The following LUZP1 variants were observed in gnomAD, a reference collection of about 807,000 sequenced individuals.
LUZP1 encodes leucine zipper protein 1.
A neutral mutation model predicts 71.3 loss-of-function variants in LUZP1; 25 were observed. That is an observed-to-expected ratio of 0.35 (90% CI 0.26 to 0.49). LUZP1 has a LOEUF of 0.49. Ranked by LOEUF, LUZP1 falls within the 20% of genes least tolerant of loss-of-function variation. The probability of loss-of-function intolerance (pLI) is 0.99; values close to 1 mark genes in which losing one functional copy is unlikely to be tolerated. For missense variants in LUZP1, 1,142 were observed against 1,300.8 expected (o/e 0.88, Z 1.88); for synonymous variants, 481 against 506.4 (o/e 0.95, Z 0.67).
At chr1:23,086,917 G>A (rs1643774467) in exon 5 of LUZP1, 1 of 152,472 alleles carries the variant, frequency 6.6e-6, no homozygotes, top group Middle Eastern at 3.4e-3. Flanking sequence ...TGAAAGTAAG[G>A]TAGGTGCTCC....
At chr1:23,102,328 TTGGAGGGTGGCTCTTCTTCCTGTCC>T (rs1643938477) in intron 3 of LUZP1, among the ~76,000 whole-genome samples, 1 of 152,160 alleles carries the variant, frequency 6.6e-6, no homozygotes, top group South Asian at 2.1e-4. Flanking sequence ...ATCCAGCATT[TTGGAGGGTGGCTCTTCTTCCTGTCC>T]TGGCAGATCA....
intron 3 of LUZP1, among the ~76,000 whole-genome samples, chr1:23,097,118 T>C (rs1156451774): frequency 6.6e-6 from 1 of 152,086 alleles, no homozygotes; most frequent in Admixed American, 6.5e-5. Context: ...GAAGAAGGAA[T>C]GGAACAAAAA....
chr1:23,161,515 C>T (rs965908061), intron 2 of LUZP1, among the ~76,000 whole-genome samples: 2 of 152,130 alleles, frequency 1.3e-5, no homozygotes, highest in Non-Finnish European at 2.9e-5. Flanking sequence ...ATCTCAGCTA[C>T]TCTGGAGGCC....
At chr1:23,142,735 A>G (rs1644314981) in intron 2 of LUZP1, among the ~76,000 whole-genome samples, 1 of 116,578 alleles carries the variant, frequency 8.6e-6, no homozygotes. Context: ...ACACACACAC[A>G]CACACACACA....
At chr1:23,119,358 G>C (rs542756804) in intron 2 of LUZP1, among the ~76,000 whole-genome samples, 3 of 146,292 alleles carry the variant, frequency 2.1e-5, no homozygotes, top group Non-Finnish European at 4.4e-5. Context: ...TCCTGGGCTC[G>C]AGCAATCCTC....
chr1:23,084,395 A>ACAT (rs1643726138), exon 5 of LUZP1: 2 of 151,676 alleles, frequency 1.3e-5, no homozygotes, highest in African/African-American at 4.8e-5. Context: ...TTCCATCATC[A>ACAT]CATTGCCTTC....
At chr1:23,102,634 A>G (rs1478808449) in intron 3 of LUZP1, among the ~76,000 whole-genome samples, 1 of 152,214 alleles carries the variant, frequency 6.6e-6, no homozygotes, top group Non-Finnish European at 1.5e-5. Context: ...GTGAATGAAC[A>G]TAACTATGTT....
chr1:23,165,028 T>G (rs1461190038), intron 2 of LUZP1, among the ~76,000 whole-genome samples: 1 of 152,220 alleles, frequency 6.6e-6, no homozygotes, highest in African/African-American at 2.4e-5. Context: ...CCTCCTGAAT[T>G]TATTTATCTT....
At chr1:23,128,002 G>A (rs1387675505) in intron 2 of LUZP1, among the ~76,000 whole-genome samples, 4 of 151,988 alleles carry the variant, frequency 2.6e-5, no homozygotes, top group Admixed American at 1.3e-4. Flanking sequence ...GTGGTGGCAC[G>A]TGCCTGTAAT....
At chr1:23,089,764 T>G (rs1053975800) in intron 4 of LUZP1, among the ~76,000 whole-genome samples, 1 of 150,576 alleles carries the variant, frequency 6.6e-6, no homozygotes, top group Non-Finnish European at 1.5e-5. Flanking sequence ...GGCTTTTTTT[T>G]TTTTTCTTTT....
intron 2 of LUZP1, among the ~76,000 whole-genome samples, chr1:23,122,853 CT>C (rs1235884187): frequency 1.3e-5 from 2 of 152,322 alleles, no homozygotes; most frequent in East Asian, 3.9e-4. Flanking sequence ...ACCTAAACTC[CT>C]TTCCTAACTC....
At chr1:23,104,184 CTTT>C (rs1184690521) in intron 3 of LUZP1, among the ~76,000 whole-genome samples, 2 of 143,196 alleles carry the variant, frequency 1.4e-5, no homozygotes, top group African/African-American at 2.5e-5. Flanking sequence ...TTTTCTTTTT[CTTT>C]TTTTTTTTTT....
intron 2 of LUZP1, among the ~76,000 whole-genome samples, chr1:23,137,291 CA>C (rs1372473502): frequency 1.3e-5 from 2 of 152,118 alleles, no homozygotes; most frequent in Non-Finnish European, 2.9e-5. Context: ...TACGAATGGC[CA>C]ATAAGCATAT....
At chr1:23,145,105 G>C (rs866871567) in intron 2 of LUZP1, among the ~76,000 whole-genome samples, 69 of 152,178 alleles carry the variant, frequency 4.5e-4, no homozygotes, top group African/African-American at 1.7e-3. Context: ...GTTTCACCAT[G>C]TTGCCCAGGC....
intron 3 of LUZP1, among the ~76,000 whole-genome samples, chr1:23,095,946 T>C (rs1005284111): frequency 2.6e-5 from 4 of 151,974 alleles, no homozygotes; most frequent in Admixed American, 6.6e-5. Flanking sequence ...CACACAGGAT[T>C]CCCACAGATT....
chr1:23,117,181 A>G (rs1644086107), intron 2 of LUZP1, among the ~76,000 whole-genome samples: 1 of 152,130 alleles, frequency 6.6e-6, no homozygotes, highest in African/African-American at 2.4e-5. Flanking sequence ...TGCCCTGGCA[A>G]CATGCTATAA....
At chr1:23,110,665 C>CACACACACACACACACACACACA (rs1557647742) in intron 2 of LUZP1, among the ~76,000 whole-genome samples, 17 of 151,922 alleles carry the variant, frequency 1.1e-4, no homozygotes, top group African/African-American at 4.1e-4. Context: ...CACACACACA[C>CACACACACACACACACACACACA]CCATCCCTGC....
At chr1:23,097,792 TG>T (rs1485424721) in intron 3 of LUZP1, among the ~76,000 whole-genome samples, 1 of 152,164 alleles carries the variant, frequency 6.6e-6, no homozygotes, top group Non-Finnish European at 1.5e-5. Context: ...CAGTGAGCTA[TG>T]ACTGTGCCAC....
At chr1:23,176,731 G>C (rs972435760) in intron 1 of LUZP1, among the ~76,000 whole-genome samples, 2 of 152,156 alleles carry the variant, frequency 1.3e-5, no homozygotes, top group Non-Finnish European at 2.9e-5. Flanking sequence ...GAAAGATCTG[G>C]GATCCTGTAG....
Sources: allele counts gnomAD v4.1 joint callset (sites outside exome capture counted in the v4.1 genomes callset), GRCh38; gene constraint gnomAD v4.1.1; transcripts MANE v1.5; gene names NCBI Gene and HGNC (gene_info 2026-07-23, HGNC 2026-07-21).